KAZN: variants seen among roughly 807,000 people sequenced by gnomAD.
KAZN encodes the protein kazrin.
Under a neutral mutation model 87.4 loss-of-function variants are expected in KAZN, and 40 were observed. That is an observed-to-expected ratio of 0.46 (90% CI 0.36 to 0.60). The LOEUF is 0.60. KAZN is among the 20% of genes least tolerant of loss of function. The probability of loss-of-function intolerance (pLI) is 0.00; values close to 1 mark genes in which losing one functional copy is unlikely to be tolerated. For missense variants in KAZN, 898 were observed against 1,073.9 expected (o/e 0.84, Z 2.29); for synonymous variants, 466 against 458.3 (o/e 1.02, Z -0.22).
At chr1:14,642,298 G>C (rs1409976710) in intron 1 of KAZN, among the ~76,000 whole-genome samples, 1 of 152,230 alleles carries the variant, frequency 6.6e-6, no homozygotes, top group African/African-American at 2.4e-5. Context: ...TACTTGGCAG[G>C]CTGAGGCAGG....
chr1:14,576,685 G>A (rs140844743), intron 2 of KAZN, among the ~76,000 whole-genome samples: 511 of 152,236 alleles, frequency 3.4e-3, no homozygotes, highest in Non-Finnish European at 5.7e-3. Flanking sequence ...AAGATTTAAA[G>A]TTCCTATTTT....
rs538898581 is a variant in KAZN at position 14,599,443 on chromosome 1, C to T, written c.226+220C>T. ...CGAGCGCAGTGTGCACGGGGTCACA[C>T]GGTCACACCGGCCCCGGCCAGCCTG... On this transcript the variant is annotated intron_variant, in intron 1 of 14. Transcript: ENST00000376030. This position sits in a 1 kb window ranked among gnomAD's most constrained non-coding sequence, Gnocchi z 4.4. 1.3e-5 allele frequency among the ~76,000 whole-genome samples: 2 copies of T among 152,298 alleles called. No individual in the cohort carries two copies. The highest frequency in any genetic ancestry group is 1.5e-5 in the Non-Finnish European group (1 of 68,010).
chr1:14,652,620 TCCACCCATCCACCCAC>T (rs1638503186), intron 1 of KAZN, among the ~76,000 whole-genome samples: 13 of 87,218 alleles, frequency 1.5e-4, no homozygotes, highest in African/African-American at 5.8e-4. Context: ...CACCCACTCA[TCCACCCATCCACCCAC>T]CCATCCATCC....
chr1:14,784,777 T>C (rs1645456437), intron 1 of KAZN, among the ~76,000 whole-genome samples: 1 of 151,982 alleles, frequency 6.6e-6, no homozygotes, highest in African/African-American at 2.4e-5. Flanking sequence ...GTCATTCAAG[T>C]GACTACTCCA....
chr1:14,729,991 G>C (rs971928021), intron 1 of KAZN, among the ~76,000 whole-genome samples: 4 of 152,126 alleles, frequency 2.6e-5, no homozygotes, highest in Non-Finnish European at 5.9e-5. Context: ...CTGCTTTTGT[G>C]CTGCGATGAC....
chr1:14,644,163 C>T (rs375258363), intron 1 of KAZN, among the ~76,000 whole-genome samples: 1,694 of 151,762 alleles, frequency 0.011, 23 homozygotes, highest in South Asian at 0.044. Flanking sequence ...AGGTGCCCAC[C>T]ACCACGCCCA....
chr1:15,054,653 A>G (rs891080509), intron 4 of KAZN, among the ~76,000 whole-genome samples: 6 of 143,694 alleles, frequency 4.2e-5, no homozygotes, highest in African/African-American at 1.6e-4. Context: ...CTCCATCTCA[A>G]AAAAAAAAAA....
intron 2 of KAZN, among the ~76,000 whole-genome samples, chr1:14,490,624 C>G (rs1232111451): frequency 6.6e-6 from 1 of 152,182 alleles, no homozygotes; most frequent in African/African-American, 2.4e-5. Flanking sequence ...TCCTGAGTAG[C>G]TGGGATTACA....
intron 2 of KAZN, among the ~76,000 whole-genome samples, chr1:14,496,705 T>C (rs1248633568): frequency 6.6e-6 from 1 of 151,864 alleles, no homozygotes. Context: ...AGAATACTAC[T>C]GGGCTCTCTC....
rs192693933 is a variant in KAZN, at chr1:15,021,579, C to G, written c.419-13170C>G. Among the ~76,000 whole-genome samples, 2 of 152,184 alleles carry G rather than the reference C, an allele frequency of 1.3e-5. No individual in the cohort carries two copies. On this transcript the variant is annotated intron_variant, in intron 2 of 14. Transcript: ENST00000376030. This position sits in a 1 kb window ranked among gnomAD's most constrained non-coding sequence, Gnocchi z 4.2. ...GCAGTGGGGGCCTGCTTCCCGGGGC[C>G]CTCCGCCCTCCTGGCTTCCAGGTGA...
intron 1 of KAZN, among the ~76,000 whole-genome samples, chr1:14,064,024 C>G (rs112013283): frequency 0.015 from 2,284 of 152,152 alleles, 54 homozygotes; most frequent in African/African-American, 0.051. Context: ...TCAAGCAATT[C>G]TCTGCCTCAG....
intron 1 of KAZN, among the ~76,000 whole-genome samples, chr1:14,024,323 G>A (rs1300891431): frequency 1.3e-5 from 2 of 152,184 alleles, no homozygotes; most frequent in African/African-American, 4.8e-5. Context: ...AAACAATGTG[G>A]TGTCCTGGGA....
intron 1 of KAZN, among the ~76,000 whole-genome samples, chr1:14,621,988 A>G (rs1271212394): frequency 1.3e-5 from 2 of 152,240 alleles, no homozygotes; most frequent in African/African-American, 2.4e-5. Context: ...GGCATAAAGT[A>G]TAAGAGCCCT....
intron 1 of KAZN, chr1:14,924,105 C>T (rs1214802238): frequency 1.0e-6 from 1 of 980,820 alleles, no homozygotes; most frequent in Non-Finnish European, 1.2e-6. Flanking sequence ...CCGGAAGGAG[C>T]GGGAGGAGGA....
At chr1:14,516,714 A>G (rs1671317843) in intron 2 of KAZN, among the ~76,000 whole-genome samples, 1 of 152,192 alleles carries the variant, frequency 6.6e-6, no homozygotes, top group South Asian at 2.1e-4. Context: ...GCACCATGCC[A>G]TCTCCCTTCC....
At chr1:14,445,814 C>T (rs897340495) in intron 2 of KAZN, among the ~76,000 whole-genome samples, 1 of 152,162 alleles carries the variant, frequency 6.6e-6, no homozygotes, top group Non-Finnish European at 1.5e-5. Flanking sequence ...ATTCACCTTC[C>T]ATCTCCCATT....
intron 1 of KAZN, among the ~76,000 whole-genome samples, chr1:14,938,467 G>A (rs1043890736): frequency 3.3e-5 from 5 of 151,516 alleles, no homozygotes; most frequent in Admixed American, 1.3e-4. Context: ...ACTGGAACCC[G>A]GGAGACAGAG....
intron 2 of KAZN, among the ~76,000 whole-genome samples, chr1:14,236,178 C>T (rs779212214): frequency 2.8e-4 from 42 of 152,194 alleles, no homozygotes; most frequent in Non-Finnish European, 5.3e-4. Context: ...TCCTCTCCCA[C>T]CCTGGGCCAG....
chr1:14,359,597 T>C (rs932313709), intron 2 of KAZN, among the ~76,000 whole-genome samples: 1 of 152,212 alleles, frequency 6.6e-6, no homozygotes, highest in Admixed American at 6.5e-5. Flanking sequence ...CCATATTTAG[T>C]GAGTCCTTCA....
Sources: gnomAD v4.1 joint callset for allele counts (sites outside exome capture counted in the v4.1 genomes callset) on GRCh38, gnomAD v4.1.1 for gene constraint, Gnocchi (gnomAD v3.1) non-coding constraint, MANE v1.5 for transcripts, NCBI Gene and HGNC (gene_info 2026-07-23, HGNC 2026-07-21) for gene names.